Variants in MYH3 observed in about 807,000 individuals in gnomAD.
The protein encoded by MYH3 is myosin heavy chain 3.
Under a neutral mutation model 238.0 loss-of-function variants are expected in MYH3, and 130 were observed. The observed-to-expected ratio is 0.55, with a 90% CI of 0.47 to 0.63. The LOEUF (loss-of-function observed/expected upper bound fraction) is 0.63, where lower values mean the gene tolerates loss of function less well. Ranked by LOEUF, MYH3 falls within the 30% of genes least tolerant of loss-of-function variation. The pLI, the probability that MYH3 is intolerant of heterozygous loss-of-function variation, is 0.00. For synonymous variants in MYH3, 880 were observed against 924.1 expected (o/e 0.95, Z 0.86); for missense variants, 1,853 against 2,374.9 (o/e 0.78, Z 4.57).
chr17:10,666,932 C>A, the MYH3 span, among the ~76,000 whole-genome samples: 2 of 152,028 alleles, frequency 1.3e-5, no homozygotes, highest in African/African-American at 4.8e-5. Context: ...AACAAGCAGA[C>A]GGTTTATAGA....
chr17:10,644,043 C>T (rs925510648), intron 14 of MYH3, among the ~76,000 whole-genome samples: 1 of 152,034 alleles, frequency 6.6e-6, no homozygotes, highest in East Asian at 1.9e-4. Flanking sequence ...GCCTGTAATC[C>T]CAGCTATTCA....
chr17:10,667,626 G>A, the MYH3 span, among the ~76,000 whole-genome samples: 1 of 149,804 alleles, frequency 6.7e-6, no homozygotes, highest in Non-Finnish European at 1.5e-5. Context: ...GGTTTGCAGT[G>A]AGCCAAGATT....
intron 19 of MYH3, 46 bp from the exon 20 acceptor site, chr17:10,640,732 C>G (rs752323837): frequency 2.2e-5 from 36 of 1,604,206 alleles, no homozygotes; most frequent in Non-Finnish European, 3.1e-5. Flanking sequence ...GGCAAAGACA[C>G]AAACCTTGGA....
At chr17:10,657,620 G>A (rs905042780), upstream of MYH3, among the ~76,000 whole-genome samples, 1 of 152,126 alleles carries the variant, frequency 6.6e-6, no homozygotes, top group African/African-American at 2.4e-5. Flanking sequence ...CCGTTCTCAG[G>A]CGCTCATCAC....
At position 10,642,137 on chromosome 17, in the gene MYH3, A is replaced by T; in HGVS notation, c.1959+103T>A. 2 of 1,084,684 alleles carry T rather than the reference A, an allele frequency of 1.8e-6. No individual in the cohort carries two copies. The highest frequency in any genetic ancestry group is 2.8e-6 in the Non-Finnish European group (2 of 719,542). The allele number at this position is 1,084,684 out of a possible 1,614,324, so 67.2% of individuals were successfully genotyped here. A position where few individuals can be genotyped will look rare whatever the true frequency, so the allele number is the denominator to read the frequency against. ...CCTCAGTGACAGTAATCAGATTAAG[A>T]CAACACTACTACTCTCAAATAAATC... On this transcript the variant is annotated intron_variant, in intron 17 of 40. Coordinates refer to ENST00000583535, the MANE Select transcript of MYH3 (RefSeq NM_002470.4). This position sits in a 1 kb window ranked among gnomAD's most constrained non-coding sequence, Gnocchi z 5.4.
chr17:10,675,017 C>A, the MYH3 span: 1 of 152,250 alleles, frequency 6.6e-6, no homozygotes, highest in African/African-American at 2.4e-5. Flanking sequence ...CTTCAGTTTG[C>A]TCCTCCTCAG....
rs141938482 is a variant in MYH3 at position 10,637,849 on chromosome 17, G to A, written c.3816C>T (p.Ser1272=). Residue 1272 remains serine, a synonymous_variant, in exon 28 of 41, where the codon AGC becomes AGT. Coordinates refer to ENST00000583535, the MANE Select transcript of MYH3 (RefSeq NM_002470.4). The stretch of plus-strand genomic sequence containing the variant: ...AACGAGACTTCTGTGTGGTCAGCTC[G>A]CTCAGGCTCCTCTGAATTTCCTCAT... ...GKNEEIQRSL[S]ELTTQKSRLQ... is the part of the protein sequence containing the mutation. The A allele has an allele frequency of 6.2e-6, 10 of 1,614,116 alleles. No homozygotes were observed. The highest frequency in any genetic ancestry group is 2.2e-5 in the East Asian group (1 of 44,872).
the MYH3 span, among the ~76,000 whole-genome samples, chr17:10,666,157 G>A: frequency 6.6e-6 from 1 of 152,132 alleles, no homozygotes; most frequent in Non-Finnish European, 1.5e-5. Context: ...ACTAGATCAT[G>A]GTAGATTCTT....
chr17:10,643,138 C>G, intron 14 of MYH3, 142 bp from the exon 15 acceptor site: 6 of 1,459,766 alleles, frequency 4.1e-6, no homozygotes, highest in Non-Finnish European at 5.6e-6. Context: ...AGGCCTGCCT[C>G]AGACCGCATC....
At chr17:10,663,043 C>T in the MYH3 span, among the ~76,000 whole-genome samples, 12 of 152,106 alleles carry the variant, frequency 7.9e-5, no homozygotes, top group African/African-American at 2.4e-4. Flanking sequence ...GCCGAGATTA[C>T]ACCACTGCAC....
intron 33 of MYH3, among the ~76,000 whole-genome samples, chr17:10,633,336 T>C (rs1427223548): frequency 1.3e-5 from 2 of 152,286 alleles, no homozygotes; most frequent in Non-Finnish European, 2.9e-5. Flanking sequence ...ACTTTCTAGA[T>C]ATTTTTAATT....
upstream of MYH3, among the ~76,000 whole-genome samples, chr17:10,662,010 T>C (rs1461044466): frequency 7.0e-6 from 1 of 142,842 alleles, no homozygotes; most frequent in African/African-American, 2.5e-5. Context: ...TTCCCCAGCT[T>C]TCTTTCTTTC....
chr17:10,632,742 G>C lies in MYH3; in HGVS notation c.4690C>G (p.Leu1564Val), dbSNP rs752544674. ...TCTGATTTCACTTGTGTCAATTCAA[G>C]CTGGATTCGGAGGATCTTGGCTTCT... ...HEEAKILRIQ[L>V]ELTQVKSEID... Residue 1564 changes from leucine to valine, a missense_variant, in exon 34 of 41, where the codon CTT (leucine) becomes GTT (valine). Around this residue, in one of 3 missense-constraint regions of MYH3, gnomAD observed 1,044 missense variants for 1,192.6 expected, o/e 0.88. Transcript: ENST00000583535. 6.2e-7 allele frequency: 1 copy of C among 1,614,170 alleles called. No homozygotes were observed.
chr17:10,629,036 T>C (rs1485156885), intron 40 of MYH3, among the ~76,000 whole-genome samples: 2 of 152,064 alleles, frequency 1.3e-5, no homozygotes, highest in Admixed American at 1.3e-4. Flanking sequence ...TGTTTTGTTT[T>C]GTTGGGATAC....
At position 10,639,716 on chromosome 17, in the gene MYH3, C is replaced by T. The variant is rs779438713; in HGVS notation, c.2769G>A (p.Val923=). The change falls in exon 23 of 41, where the codon GTG becomes GTA. Residue 923 remains valine (V), a synonymous_variant. Transcript: ENST00000583535. ...CCTCCTCATCTTCAGCTCTCTCTGT[C>T]ACCTCCTTGATCTTGGCCTCGAGCT... ...KFQLEAKIKE[V]TERAEDEEEI... 5.0e-6 allele frequency: 8 copies of T among 1,614,034 alleles called. No homozygotes were observed. In the South Asian group the frequency reaches 8.8e-5, roughly 18 times the overall value.
the MYH3 span, among the ~76,000 whole-genome samples, chr17:10,666,770 C>T: frequency 6.6e-6 from 1 of 151,744 alleles, no homozygotes; most frequent in Non-Finnish European, 1.5e-5. Flanking sequence ...AAAAACAAAA[C>T]AAAACTAAAA....
At position 10,639,695 on chromosome 17, in the gene MYH3, C is replaced by T. The variant is rs560760433; in HGVS notation, c.2790G>A (p.Glu930=). 1 of 1,614,084 alleles carries T rather than the reference C, an allele frequency of 6.2e-7. No individual in the cohort carries two copies. The highest frequency in any genetic ancestry group is 2.2e-5 in the East Asian group (1 of 44,870). ...CCGTCAGCTCAGCATTGATCTCCTCCTCATCTTCAGCTCTCTCTGTCACCT... is the reference window on the plus strand; with the variant it reads ...CCGTCAGCTCAGCATTGATCTCCTCTTCATCTTCAGCTCTCTCTGTCACCT... ...IKEVTERAED[E]EEINAELTAK... Residue 930 remains glutamate, a synonymous_variant, in exon 23 of 41, where the codon GAG becomes GAA. Coordinates refer to ENST00000583535, the MANE Select transcript of MYH3 (RefSeq NM_002470.4).
At chr17:10,670,182 C>G in the MYH3 span, among the ~76,000 whole-genome samples, 4 of 152,152 alleles carry the variant, frequency 2.6e-5, no homozygotes, top group African/African-American at 9.7e-5. This position sits in a 1 kb window ranked among gnomAD's most constrained non-coding sequence, Gnocchi z 7.0. Context: ...CAAAAGCAAT[C>G]AAGCACACAC....
At chr17:10,647,757 A>G (rs1427465298) in intron 8 of MYH3, among the ~76,000 whole-genome samples, 2 of 152,072 alleles carry the variant, frequency 1.3e-5, no homozygotes, top group Non-Finnish European at 2.9e-5. Flanking sequence ...GTTGGCCAGG[A>G]TGGTCTCGAT....
Sources: gnomAD v4.1 joint callset for allele counts (sites outside exome capture counted in the v4.1 genomes callset) on GRCh38, gnomAD v4.1.1 for gene constraint, gnomAD v4.1.1 regional missense constraint, Gnocchi (gnomAD v3.1) non-coding constraint, MANE v1.5 for transcripts, NCBI Gene and HGNC (gene_info 2026-07-23, HGNC 2026-07-21) for gene names.